RNF38: variants seen among roughly 807,000 people sequenced by gnomAD.
RNF38 encodes the protein ring finger protein 38.
Under a neutral mutation model 67.2 loss-of-function variants are expected in RNF38, and 15 were observed. That is an observed-to-expected ratio of 0.22 (90% confidence interval 0.15 to 0.34). The LOEUF is 0.34. Among genes scored for constraint, RNF38 ranks in the 10% least tolerant of loss-of-function variants. The probability of loss-of-function intolerance (pLI) is 1.00; values close to 1 mark genes in which losing one functional copy is unlikely to be tolerated. For synonymous variants in RNF38, 220 were observed against 218.8 expected (o/e 1.01, Z -0.05); for missense variants, 524 against 639.9 (o/e 0.82, Z 1.95).
chr9:36,337,806 T>C lies in RNF38; in HGVS notation c.*1946A>G, dbSNP rs1209807350. On this transcript the variant is annotated 3_prime_UTR_variant, in exon 12 of 12. Transcript: ENST00000259605. ...AACATGTGCATTAACCATGTGCATT[T>C]TTACCACTATTTAGAAGTATTTCTG... 6.6e-6 allele frequency: 1 copy of C among 152,648 alleles called. No homozygotes were observed. The highest frequency in any genetic ancestry group is 1.5e-5 in the Non-Finnish European group (1 of 68,044). 9.5% of individuals were successfully genotyped at this position (152,648 alleles called of 1,614,324 possible). A position where few individuals can be genotyped will look rare whatever the true frequency, so the allele number is the denominator to read the frequency against.
At chr9:36,404,997 G>A (rs1444424444), upstream of RNF38, among the ~76,000 whole-genome samples, 1 of 152,078 alleles carries the variant, frequency 6.6e-6, no homozygotes, top group East Asian at 1.9e-4. Context: ...TGGGCCAGGT[G>A]CAGTGGCTCA....
intron 1 of RNF38, among the ~76,000 whole-genome samples, chr9:36,443,038 A>G (rs1216058894): frequency 1.3e-5 from 2 of 152,246 alleles, no homozygotes; most frequent in Non-Finnish European, 2.9e-5. Flanking sequence ...ATGTGAACCT[A>G]GAAGAAAAGA....
At chr9:36,425,292 TA>T (rs1239951822) in intron 1 of RNF38, among the ~76,000 whole-genome samples, 3 of 152,098 alleles carry the variant, frequency 2.0e-5, no homozygotes, top group Non-Finnish European at 4.4e-5. Context: ...CCATTTTTTT[TA>T]AAAAAAGTTT....
chr9:36,428,125 A>T lies in RNF38; in HGVS notation n.242-3442T>A, dbSNP rs190450946. On this transcript the variant is annotated intron_variant and non_coding_transcript_variant, in intron 1 of 3. Coordinates refer to the RNF38 transcript ENST00000488058. ...ACTAAGGCAGGCCTTATACTACAAT[A>T]AAAAAATGAGGCCAGGCGCGGTGGC... Among the ~76,000 whole-genome samples, 3 of 152,042 alleles carry T rather than the reference A, an allele frequency of 2.0e-5. No individual in the cohort carries two copies. The East Asian group carries it at 5.8e-4, about 29-fold the overall frequency.
chr9:36,400,972 G>T (rs1405533090), upstream of RNF38: 3 of 983,184 alleles, frequency 3.1e-6, no homozygotes, highest in African/African-American at 5.3e-5. Context: ...CTCCCTATGC[G>T]CCGGCGCACT....
chr9:36,454,912 A>G (rs973730935), intron 1 of RNF38, among the ~76,000 whole-genome samples: 7 of 152,142 alleles, frequency 4.6e-5, no homozygotes, highest in Non-Finnish European at 7.4e-5. Flanking sequence ...ACAGATTTTC[A>G]AGGTTATATA....
At chr9:36,407,916 A>C (rs1838223035) in intron 2 of RNF38, among the ~76,000 whole-genome samples, 1 of 152,160 alleles carries the variant, frequency 6.6e-6, no homozygotes, top group Admixed American at 6.5e-5. Flanking sequence ...CCTGTATTAC[A>C]TTTAGGTTGT....
chr9:36,378,631 G>C (rs917005590), intron 2 of RNF38, among the ~76,000 whole-genome samples: 1 of 152,102 alleles, frequency 6.6e-6, no homozygotes, highest in Admixed American at 6.5e-5. Context: ...AAATGGAGGC[G>C]AATGCTACAG....
chr9:36,455,314 G>A (rs948760130), intron 1 of RNF38, among the ~76,000 whole-genome samples: 3 of 151,836 alleles, frequency 2.0e-5, no homozygotes, highest in Admixed American at 6.6e-5. Context: ...CACCTGCCTC[G>A]GCCTCCCAAA....
chr9:36,388,721 G>T (rs908675450), intron 2 of RNF38, among the ~76,000 whole-genome samples: 1 of 152,064 alleles, frequency 6.6e-6, no homozygotes, highest in African/African-American at 2.4e-5. Context: ...GAAGCAGAGA[G>T]GGTGCCTTAG....
intron 1 of RNF38, among the ~76,000 whole-genome samples, chr9:36,484,759 ATTC>A (rs1163755189): frequency 1.3e-5 from 2 of 152,220 alleles, no homozygotes; most frequent in African/African-American, 4.8e-5. Flanking sequence ...TTCTGTAAGA[ATTC>A]TTCTGACTTG....
intron 1 of RNF38, among the ~76,000 whole-genome samples, chr9:36,447,756 T>C (rs1839342966): frequency 1.3e-5 from 2 of 152,372 alleles, no homozygotes; most frequent in South Asian, 2.1e-4. Context: ...TACCATTTGC[T>C]TTCTCTCAAA....
Position 36,442,204 on chromosome 9 carries a change from C to G in RNF38, n.242-17521G>C, listed in dbSNP as rs921376203. 1.3e-5 allele frequency among the ~76,000 whole-genome samples: 2 copies of G among 152,320 alleles called. 1 individual carries two copies. The highest frequency in any genetic ancestry group is 4.1e-4 in the South Asian group (2 of 4,828). On this transcript the variant is annotated intron_variant and non_coding_transcript_variant, in intron 1 of 3. Transcript: ENST00000488058. The stretch of plus-strand genomic sequence containing the variant: ...GTTCTTTGAACTCACCGTAATCTGA[C>G]TGAATGTTCTCATACTGTTAGACCC...
intron 2 of RNF38, among the ~76,000 whole-genome samples, chr9:36,409,218 G>A: frequency 6.7e-6 from 1 of 149,720 alleles, no homozygotes; most frequent in Non-Finnish European, 1.5e-5. Context: ...GGGAGGGAGG[G>A]AAGGAGGGAA....
At chr9:36,428,145 G>T (rs760709132) in intron 1 of RNF38, among the ~76,000 whole-genome samples, 7 of 151,912 alleles carry the variant, frequency 4.6e-5, no homozygotes, top group Non-Finnish European at 1.0e-4. Flanking sequence ...GGCCAGGCGC[G>T]GTGGCTCATG....
At chr9:36,404,163 C>G (rs1405827304), upstream of RNF38, among the ~76,000 whole-genome samples, 1 of 152,180 alleles carries the variant, frequency 6.6e-6, no homozygotes, top group Non-Finnish European at 1.5e-5. Flanking sequence ...CCCTCTTCCC[C>G]ATACGGACAT....
chr9:36,484,239 T>G (rs553539585), intron 1 of RNF38, among the ~76,000 whole-genome samples: 3 of 152,134 alleles, frequency 2.0e-5, no homozygotes, highest in African/African-American at 7.2e-5. Flanking sequence ...ACAGGTCCAA[T>G]AGAAAGTTTA....
Position 36,469,347 on chromosome 9 carries a change from T to C in RNF38, n.241+17961A>G, listed in dbSNP as rs72731474. Among the ~76,000 whole-genome samples the C allele has an allele frequency of 6.2e-3, 935 of 151,842 alleles. 9 individuals carry two copies. Among genetic ancestry groups the C allele is most frequent in the Non-Finnish European group, 0.01 (692 of 67,922 alleles). ...GTTCAATCTTTTTTTTCCCCCACTA[T>C]TTTCAGTTCAGTTAGAAAATAATGT... On this transcript the variant is annotated intron_variant and non_coding_transcript_variant, in intron 1 of 3. Coordinates refer to the RNF38 transcript ENST00000488058.
chr9:36,365,910 C>T (rs542764568), intron 4 of RNF38, among the ~76,000 whole-genome samples: 13 of 152,000 alleles, frequency 8.6e-5, no homozygotes, highest in African/African-American at 2.9e-4. Flanking sequence ...GTGATCCACC[C>T]GCCTTCGGCC....
Sources: allele counts gnomAD v4.1 joint callset (sites outside exome capture counted in the v4.1 genomes callset), GRCh38; gene constraint gnomAD v4.1.1; transcripts MANE v1.5; gene names NCBI Gene and HGNC (gene_info 2026-07-23, HGNC 2026-07-21).